Variants in TENM4 observed in about 807,000 individuals in gnomAD.
The protein encoded by TENM4 is teneurin-4.
Under a neutral mutation model 243.3 loss-of-function variants are expected in TENM4, and 82 were observed. The observed-to-expected ratio is 0.34, with a 90% CI of 0.28 to 0.40. The LOEUF (loss-of-function observed/expected upper bound fraction) is 0.40. Ranked by LOEUF, TENM4 falls within the 10% of genes least tolerant of loss-of-function variation. The probability of loss-of-function intolerance (pLI) is 1.00; values close to 1 mark genes in which losing one functional copy is unlikely to be tolerated. For missense variants in TENM4, 3,138 were observed against 3,673.3 expected, an observed-to-expected ratio of 0.85 and a Z score of 3.77; for synonymous variants, 1,412 against 1,456.3, an observed-to-expected ratio of 0.97 and a Z score of 0.69.
At chr11:78,879,395 T>A (rs1859363294) in intron 9 of TENM4, among the ~76,000 whole-genome samples, 1 of 149,324 alleles carries the variant, frequency 6.7e-6, no homozygotes, top group Non-Finnish European at 1.5e-5. Flanking sequence ...AGCCGCCCTG[T>A]CTGGGAGGTG....
intron 2 of TENM4, among the ~76,000 whole-genome samples, chr11:79,291,693 G>A (rs1237626590): frequency 2.0e-5 from 3 of 152,164 alleles, no homozygotes; most frequent in South Asian, 2.1e-4. Context: ...TCCAGGCGCA[G>A]TATTATTACT....
intron 6 of TENM4, among the ~76,000 whole-genome samples, chr11:78,942,581 G>A (rs1023015874): frequency 1.3e-5 from 2 of 152,160 alleles, no homozygotes; most frequent in African/African-American, 4.8e-5. Context: ...TTTGCTCTAG[G>A]GCAAAGGCTG....
At chr11:78,711,713 G>A (rs538720664) in intron 26 of TENM4, among the ~76,000 whole-genome samples, 1 of 152,268 alleles carries the variant, frequency 6.6e-6, no homozygotes, top group Admixed American at 6.5e-5. Context: ...ACACTCCACT[G>A]AGTGTGGATA....
At chr11:79,003,174 G>T (rs1254270876) in intron 6 of TENM4, among the ~76,000 whole-genome samples, 2 of 152,274 alleles carry the variant, frequency 1.3e-5, no homozygotes, top group South Asian at 2.1e-4. Context: ...GGCCAAATCT[G>T]TAAGTCACTG....
chr11:79,087,488 T>G (rs1404182909), intron 4 of TENM4, among the ~76,000 whole-genome samples: 1 of 152,228 alleles, frequency 6.6e-6, no homozygotes, highest in Non-Finnish European at 1.5e-5. Flanking sequence ...AGATCGCTGT[T>G]AGCACAAGTC....
chr11:79,289,415 G>A (rs1035013609), intron 2 of TENM4, among the ~76,000 whole-genome samples: 4 of 152,236 alleles, frequency 2.6e-5, no homozygotes, highest in African/African-American at 9.6e-5. Context: ...ACAGGTATCA[G>A]TTGAGTCTCC....
intron 4 of TENM4, among the ~76,000 whole-genome samples, chr11:79,128,565 G>A (rs1861929440): frequency 6.6e-6 from 1 of 152,176 alleles, no homozygotes; most frequent in Non-Finnish European, 1.5e-5. Flanking sequence ...AGTTCCCTAT[G>A]ATCAGTTGAC....
intron 1 of TENM4, among the ~76,000 whole-genome samples, chr11:79,350,178 G>C (rs780481930): frequency 2.6e-5 from 4 of 152,188 alleles, no homozygotes; most frequent in African/African-American, 4.8e-5. Flanking sequence ...TGGGGCTTCA[G>C]AACGGGGCTG....
intron 6 of TENM4, among the ~76,000 whole-genome samples, chr11:79,006,925 C>G (rs566635034): frequency 2.0e-5 from 3 of 152,188 alleles, no homozygotes; most frequent in African/African-American, 7.2e-5. Flanking sequence ...TGGTGGACTT[C>G]GAGCACAGCA....
intron 25 of TENM4, among the ~76,000 whole-genome samples, chr11:78,714,944 C>A (rs532041871): frequency 1.4e-4 from 21 of 152,312 alleles, no homozygotes; most frequent in Non-Finnish European, 2.4e-4. Flanking sequence ...GCCTCCAAAA[C>A]CCAATCGTCA....
At chr11:78,946,804 GGTGT>G (rs981362681) in intron 6 of TENM4, among the ~76,000 whole-genome samples, 1 of 152,170 alleles carries the variant, frequency 6.6e-6, no homozygotes, top group African/African-American at 2.4e-5. Flanking sequence ...AGTAACTGCA[GGTGT>G]GTTGGTAGTA....
chr11:78,955,893 G>A (rs991129), intron 6 of TENM4, among the ~76,000 whole-genome samples: 4,816 of 152,234 alleles, frequency 0.032, 250 homozygotes, highest in East Asian at 0.23. Context: ...GGGCCATAAT[G>A]GTCTGCCCCA....
chr11:78,797,577 T>G (rs1429487974), intron 15 of TENM4, among the ~76,000 whole-genome samples: 2 of 152,246 alleles, frequency 1.3e-5, no homozygotes, highest in Admixed American at 1.3e-4. Flanking sequence ...TTATCAACCT[T>G]TAACTCTGGC....
At chr11:79,218,292 G>A (rs1337767492) in intron 2 of TENM4, among the ~76,000 whole-genome samples, 1 of 133,350 alleles carries the variant, frequency 7.5e-6, no homozygotes, top group Non-Finnish European at 1.5e-5. Context: ...GAAATTGGCT[G>A]CCTTGGCTAC....
intron 8 of TENM4, 91 bp downstream of exon 8, chr11:78,891,147 A>C: frequency 8.3e-7 from 1 of 1,207,488 alleles, no homozygotes; most frequent in African/African-American, 1.5e-5. Flanking sequence ...CCTCCCCCAG[A>C]AGATCCCAGG....
At chr11:79,205,989 G>A (rs1289027851) in intron 3 of TENM4, among the ~76,000 whole-genome samples, 1 of 152,258 alleles carries the variant, frequency 6.6e-6, no homozygotes, top group Non-Finnish European at 1.5e-5. Context: ...GGCAGGTCTG[G>A]TGTTCAGGAA....
At position 78,805,277 on chromosome 11, in the gene TENM4, T is replaced by TGCCCCCCCCCCCCACC; in HGVS notation, c.2179+14_2179+15insGGTGGGGGGGGGGGGC. 1 of 1,402,548 alleles carries TGCCCCCCCCCCCCACC rather than the reference T, an allele frequency of 7.1e-7. No individual in the cohort carries two copies. The highest frequency in any genetic ancestry group is 9.7e-7 in the Non-Finnish European group (1 of 1,033,116). 86.9% of individuals were successfully genotyped at this position (1,402,548 alleles called of 1,614,324 possible). On this transcript the variant is annotated intron_variant, in intron 15 of 33. Transcript: ENST00000278550. Reference sequence around the variant, plus strand: ...CCCCTCCCTCTACCCATGCTTCTTCTCCCCCTGCATTTACCGATAGAACAG... The same window carrying TGCCCCCCCCCCCCACC: ...CCCCTCCCTCTACCCATGCTTCTTCTGCCCCCCCCCCCCACCCCCCCTGCATTTACCGATAGAACAG...
intron 6 of TENM4, among the ~76,000 whole-genome samples, chr11:78,982,572 C>T (rs945961805): frequency 6.6e-6 from 1 of 152,148 alleles, no homozygotes; most frequent in Admixed American, 6.5e-5. Flanking sequence ...TCCTCACACC[C>T]CCAATAGGCC....
intron 6 of TENM4, among the ~76,000 whole-genome samples, chr11:79,017,560 A>G (rs939723131): frequency 6.6e-6 from 1 of 152,192 alleles, no homozygotes; most frequent in African/African-American, 2.4e-5. Flanking sequence ...ATCTATGGGA[A>G]GGGGATAAGG....
Sources: gnomAD v4.1 joint callset for allele counts (sites outside exome capture counted in the v4.1 genomes callset) on GRCh38, gnomAD v4.1.1 for gene constraint, MANE v1.5 for transcripts, NCBI Gene and HGNC (gene_info 2026-07-23, HGNC 2026-07-21) for gene names.